Variants in DLG2 observed in about 807,000 individuals in gnomAD.
DLG2 encodes discs large MAGUK scaffold protein 2.
Under a neutral mutation model 132.5 loss-of-function variants are expected in DLG2, and 45 were observed. That is an observed-to-expected ratio of 0.34 (90% CI 0.27 to 0.44). The LOEUF (loss-of-function observed/expected upper bound fraction) is 0.44. Among genes scored for constraint, DLG2 ranks in the 20% least tolerant of loss-of-function variants. DLG2 has a pLI of 1.00. For synonymous variants in DLG2, 424 were observed against 419.6 expected, an observed-to-expected ratio of 1.01 and a Z score of -0.13; for missense variants, 1,045 against 1,196.9, an observed-to-expected ratio of 0.87 and a Z score of 1.87.
At chr11:83,874,008 T>C (rs1335602255) in intron 16 of DLG2, among the ~76,000 whole-genome samples, 1 of 152,132 alleles carries the variant, frequency 6.6e-6, no homozygotes, top group East Asian at 1.9e-4. Context: ...AGAAATCTTG[T>C]TTGACTTATT....
chr11:85,428,289 A>T (rs547370732), intron 3 of DLG2, among the ~76,000 whole-genome samples: 37 of 152,232 alleles, frequency 2.4e-4, no homozygotes, highest in Non-Finnish European at 4.4e-4. Flanking sequence ...AATAGACATC[A>T]ACAGAACTCT....
chr11:84,700,806 T>C (rs993117931), intron 6 of DLG2, among the ~76,000 whole-genome samples: 3 of 151,586 alleles, frequency 2.0e-5, no homozygotes, highest in African/African-American at 7.3e-5. Flanking sequence ...AACTTGAACA[T>C]GGAAAAGCAA....
chr11:84,576,010 T>C (rs1490260412), intron 6 of DLG2, among the ~76,000 whole-genome samples: 1 of 152,210 alleles, frequency 6.6e-6, no homozygotes, highest in Admixed American at 6.5e-5. Flanking sequence ...TTCCTCTTCC[T>C]GAAAATCTCT....
intron 18 of DLG2, among the ~76,000 whole-genome samples, chr11:83,683,244 G>C (rs924292908): frequency 1.3e-5 from 2 of 152,166 alleles, no homozygotes; most frequent in Non-Finnish European, 2.9e-5. Flanking sequence ...TATTCTAAAT[G>C]CTTAGCATGT....
intron 19 of DLG2, among the ~76,000 whole-genome samples, chr11:83,626,234 A>G (rs541052246): frequency 6.6e-6 from 1 of 152,352 alleles, no homozygotes; most frequent in Admixed American, 6.5e-5. Flanking sequence ...GTCAATAGGC[A>G]TGTTGTAAAA....
At chr11:84,753,438 C>T (rs1001478873) in intron 6 of DLG2, among the ~76,000 whole-genome samples, 3 of 152,148 alleles carry the variant, frequency 2.0e-5, no homozygotes, top group African/African-American at 7.2e-5. Flanking sequence ...ATTTTTCATA[C>T]TTTGAATATA....
At chr11:84,436,234 A>G (rs1368833488) in intron 7 of DLG2, among the ~76,000 whole-genome samples, 1 of 152,114 alleles carries the variant, frequency 6.6e-6, no homozygotes, top group Admixed American at 6.5e-5. Flanking sequence ...ACGTTCTAAA[A>G]TTGTCAGATC....
intron 6 of DLG2, among the ~76,000 whole-genome samples, chr11:84,650,867 GTGTGTGTATATATATATA>G (rs1443912214): frequency 9.0e-4 from 86 of 95,670 alleles, no homozygotes; most frequent in African/African-American, 4.3e-3. Context: ...GTGTGTGTGT[GTGTGTGTATATATATATA>G]TATATATATA....
At chr11:85,070,025 C>T (rs1388001087) in intron 6 of DLG2, among the ~76,000 whole-genome samples, 2 of 151,674 alleles carry the variant, frequency 1.3e-5, no homozygotes, top group African/African-American at 2.4e-5. Context: ...AAGCTGGAAA[C>T]CATCATTCTC....
intron 3 of DLG2, chr11:85,335,931 A>T (rs954544664): frequency 2.0e-5 from 3 of 152,182 alleles, no homozygotes; most frequent in Non-Finnish European, 4.4e-5. Flanking sequence ...GTACCCCAGA[A>T]CTTAAAGTAT....
intron 3 of DLG2, among the ~76,000 whole-genome samples, chr11:85,418,804 T>C (rs1482415856): frequency 6.6e-6 from 1 of 152,196 alleles, no homozygotes; most frequent in Non-Finnish European, 1.5e-5. Flanking sequence ...TTCCATCCCT[T>C]TATTTTGAGC....
Position 84,664,281 on chromosome 11 carries a change from AAAAAC to A in DLG2, c.358-129555_358-129551del, listed in dbSNP as rs952560277. ...TTCTAAGCCTCCTCCTTGGCTCTCA[AAAAAC>A]AAAACAAAACAAAACAAAACAAAAA... On this transcript the variant is annotated intron_variant, in intron 6 of 27. Transcript: ENST00000376104. 5.9e-5 allele frequency among the ~76,000 whole-genome samples: 9 copies of A among 152,100 alleles called. No individual in the cohort carries two copies. In the East Asian group the frequency reaches 9.6e-4, roughly 16 times the overall value.
intron 6 of DLG2, among the ~76,000 whole-genome samples, chr11:84,631,177 C>A (rs1476977847): frequency 1.3e-5 from 2 of 151,856 alleles, no homozygotes; most frequent in Non-Finnish European, 2.9e-5. Context: ...GCAAATAATT[C>A]ACTAGATTAT....
chr11:83,890,125 AAG>A (rs2069300756), intron 15 of DLG2, among the ~76,000 whole-genome samples: 1 of 152,096 alleles, frequency 6.6e-6, no homozygotes, highest in African/African-American at 2.4e-5. Flanking sequence ...ATAATAAAAA[AAG>A]AAATTTTATA....
At chr11:85,147,910 C>A (rs1248069846) in intron 5 of DLG2, among the ~76,000 whole-genome samples, 1 of 152,086 alleles carries the variant, frequency 6.6e-6, no homozygotes, top group Non-Finnish European at 1.5e-5. Context: ...CCTTGCCCCC[C>A]ACCCCCTGAC....
chr11:85,095,156 T>C (rs560986701), intron 6 of DLG2, among the ~76,000 whole-genome samples: 2 of 152,196 alleles, frequency 1.3e-5, no homozygotes, highest in East Asian at 3.9e-4. Flanking sequence ...AATAGTAACA[T>C]TGAAGATACT....
At chr11:85,497,447 G>A (rs1199256518) in intron 3 of DLG2, among the ~76,000 whole-genome samples, 4 of 152,090 alleles carry the variant, frequency 2.6e-5, no homozygotes, top group African/African-American at 4.8e-5. Flanking sequence ...CAAATCTACA[G>A]TTGACTGGTG....
chr11:84,028,372 T>G (rs775501327), intron 11 of DLG2, among the ~76,000 whole-genome samples: 106 of 152,232 alleles, frequency 7.0e-4, no homozygotes, highest in Non-Finnish European at 1.3e-3. Flanking sequence ...GGCTTGCTCA[T>G]GATTAATCAC....
intron 7 of DLG2, among the ~76,000 whole-genome samples, chr11:84,307,711 A>AAAAAAAAAAAG (rs1567239166): frequency 6.6e-6 from 1 of 150,878 alleles, no homozygotes; most frequent in African/African-American, 2.4e-5. Flanking sequence ...AAAAAAAAAA[A>AAAAAAAAAAAG]AAAAAGAAGC....
Sources: gnomAD v4.1 joint callset for allele counts (sites outside exome capture counted in the v4.1 genomes callset) on GRCh38, gnomAD v4.1.1 for gene constraint, MANE v1.5 for transcripts, NCBI Gene and HGNC (gene_info 2026-07-23, HGNC 2026-07-21) for gene names.